The following CCDC7 variants were observed in gnomAD, a reference collection of about 807,000 sequenced individuals.
The protein encoded by CCDC7 is coiled-coil domain containing 7.
Under a neutral mutation model 196.9 loss-of-function variants are expected in CCDC7, and 183 were observed. The observed-to-expected ratio is 0.93, with a 90% confidence interval of 0.82 to 1.05. The LOEUF (loss-of-function observed/expected upper bound fraction) is 1.05, where lower values mean the gene tolerates loss of function less well. Among genes scored for constraint, CCDC7 ranks in the 50% least tolerant of loss-of-function variants. CCDC7 has a pLI of 0.00. For missense variants in CCDC7, 1,540 were observed against 1,482.2 expected (o/e 1.04, Z -0.64); for synonymous variants, 525 against 484.6 (o/e 1.08, Z -1.10).
intron 20 of CCDC7, among the ~76,000 whole-genome samples, chr10:32,635,905 C>T (rs1383591603): frequency 6.6e-6 from 1 of 151,828 alleles, no homozygotes; most frequent in Non-Finnish European, 1.5e-5. Context: ...TTAAGTATAC[C>T]ATTTCTTTGT....
At chr10:32,532,194 A>G (rs375628866) in intron 11 of CCDC7, among the ~76,000 whole-genome samples, 1 of 151,966 alleles carries the variant, frequency 6.6e-6, no homozygotes, top group African/African-American at 2.4e-5. Flanking sequence ...TTTTCTTCTT[A>G]ATGCCTTTGC....
chr10:32,477,633 T>C (rs1454929173), intron 8 of CCDC7, among the ~76,000 whole-genome samples: 2 of 152,104 alleles, frequency 1.3e-5, no homozygotes, highest in Non-Finnish European at 2.9e-5. Flanking sequence ...TTGAGTTGCC[T>C]TTGTTCCTTT....
At chr10:32,793,218 T>A (rs2083002086) in intron 29 of CCDC7, among the ~76,000 whole-genome samples, 1 of 152,212 alleles carries the variant, frequency 6.6e-6, no homozygotes, top group African/African-American at 2.4e-5. Flanking sequence ...AGATTACATA[T>A]GTCCATTGGA....
At chr10:32,517,900 A>T (rs368222908) in intron 9 of CCDC7, 45 bp from the exon 11 acceptor site, 95 of 1,563,150 alleles carry the variant, frequency 6.1e-5, no homozygotes, top group Admixed American at 2.8e-4. Flanking sequence ...AAATTAAAAT[A>T]TAAATGTACA....
rs1354448807 is a variant in CCDC7, at chr10:32,538,599, AAT to A, written c.994-4698_994-4697del. ...AAATGCTTTCAGCTTTTGCCTATTC[AAT>A]ATGATGTTGGCTGTGGTTTTGTCAT... On this transcript the variant is annotated intron_variant, in intron 11 of 41. Transcript: ENST00000639629. Among the ~76,000 whole-genome samples, 3 of 152,188 alleles carry A rather than the reference AAT, an allele frequency of 2.0e-5. No individual in the cohort carries two copies. The East Asian group carries it at 5.8e-4, about 29-fold the overall frequency.
Position 32,632,143 on chromosome 10 carries a change from G to C in CCDC7, c.1802-2111G>C, listed in dbSNP as rs200284817. Among the ~76,000 whole-genome samples the C allele has an allele frequency of 1.1e-3, 32 of 29,174 alleles. No individual in the cohort carries two copies. In the South Asian group the frequency reaches 0.032, roughly 29 times the overall value. The allele number at this position is 29,174 out of a possible 152,430, so 19.1% of individuals were successfully genotyped here. ...ATACATTTTATTTCTTTTTTTTGGGGGGGGGGGGGTCTAATTTCTCTGGCT... is the reference window on the plus strand; with the variant it reads ...ATACATTTTATTTCTTTTTTTTGGGCGGGGGGGGGTCTAATTTCTCTGGCT... On this transcript the variant is annotated intron_variant, in intron 18 of 41. Coordinates refer to ENST00000639629, the Ensembl canonical transcript of CCDC7.
chr10:32,788,433 C>T (rs973684085), intron 29 of CCDC7, among the ~76,000 whole-genome samples: 2 of 152,216 alleles, frequency 1.3e-5, no homozygotes, highest in African/African-American at 4.8e-5. Flanking sequence ...TGTATCCAAC[C>T]TCTAGGCCTG....
At chr10:32,600,117 G>A (rs2060838718) in intron 18 of CCDC7, among the ~76,000 whole-genome samples, 1 of 151,798 alleles carries the variant, frequency 6.6e-6, no homozygotes, top group South Asian at 2.1e-4. Context: ...AAATGATGTT[G>A]GTATTTTGAT....
chr10:32,650,640 C>A (rs1055429799), intron 20 of CCDC7, among the ~76,000 whole-genome samples: 1 of 152,180 alleles, frequency 6.6e-6, no homozygotes, highest in Admixed American at 6.5e-5. Context: ...CTGTACCACT[C>A]AGGACTCTCA....
chr10:32,584,350 A>T, intron 18 of CCDC7, 46 bp downstream of exon 19: 1 of 1,186,074 alleles, frequency 8.4e-7, no homozygotes. Context: ...TTGAATGATT[A>T]TGTGTTTCCA....
chr10:32,665,261 CTATT>C (rs944074376), intron 21 of CCDC7, among the ~76,000 whole-genome samples: 3 of 151,900 alleles, frequency 2.0e-5, no homozygotes, highest in Non-Finnish European at 4.4e-5. Context: ...ATGCAATAGG[CTATT>C]TATTCCTACT....
chr10:32,782,129 A>ACTGAAAACTACCATATAATG (rs2081151919), intron 29 of CCDC7, among the ~76,000 whole-genome samples: 1 of 152,236 alleles, frequency 6.6e-6, no homozygotes, highest in Non-Finnish European at 1.5e-5. Context: ...AGACTTGTAT[A>ACTGAAAACTACCATATAATG]CTGAAAACTA....
chr10:32,830,142 C>A (rs1371483985), intron 32 of CCDC7, among the ~76,000 whole-genome samples: 18 of 20,106 alleles, frequency 9.0e-4, no homozygotes, highest in Non-Finnish European at 1.8e-3. Context: ...ATATATATAT[C>A]CTATTAGTTC....
chr10:32,678,745 T>C (rs1055225715), intron 21 of CCDC7, among the ~76,000 whole-genome samples: 1 of 152,188 alleles, frequency 6.6e-6, no homozygotes. Context: ...AGATCTCTCT[T>C]GGCACTGTGC....
chr10:32,658,716 A>C (rs1309874085), intron 20 of CCDC7, among the ~76,000 whole-genome samples: 1 of 152,232 alleles, frequency 6.6e-6, no homozygotes, highest in Non-Finnish European at 1.5e-5. Context: ...GGCATCGATG[A>C]ACCTGGAGGA....
chr10:32,653,581 A>T (rs1321587613), intron 20 of CCDC7, among the ~76,000 whole-genome samples: 1 of 152,142 alleles, frequency 6.6e-6, no homozygotes, highest in Non-Finnish European at 1.5e-5. Flanking sequence ...ATTCAATTTG[A>T]TGTTCCTGTG....
At position 32,518,509 on chromosome 10, in the gene CCDC7, G is replaced by A; in HGVS notation, c.993+4G>A. 1 of 1,598,764 alleles carries A rather than the reference G, an allele frequency of 6.3e-7. No homozygotes were observed. ...ACAAAAGTTGAAGGACAAAGAGGTT[G>A]GAAAAATTTTAGTGTTTGAAAATGG... On this transcript the variant is annotated splice_donor_region_variant and intron_variant, in intron 11 of 41. Coordinates refer to ENST00000639629, the Ensembl canonical transcript of CCDC7.
intron 5 of CCDC7, among the ~76,000 whole-genome samples, chr10:32,464,771 A>G (rs946722092): frequency 6.6e-6 from 1 of 152,118 alleles, no homozygotes; most frequent in Non-Finnish European, 1.5e-5. Context: ...TCCGCCTCCC[A>G]AAGTGCTGGG....
intron 32 of CCDC7, among the ~76,000 whole-genome samples, chr10:32,829,658 TG>T (rs951043735): frequency 3.3e-5 from 5 of 152,178 alleles, no homozygotes; most frequent in African/African-American, 1.2e-4. Flanking sequence ...AGATTATGTA[TG>T]ATCTCAGGAG....
Sources: gnomAD v4.1 joint callset for allele counts (sites outside exome capture counted in the v4.1 genomes callset) on GRCh38, gnomAD v4.1.1 for gene constraint, MANE v1.5 for transcripts, NCBI Gene and HGNC (gene_info 2026-07-23, HGNC 2026-07-21) for gene names.